The following CRACDL variants were observed in gnomAD, a reference collection of about 807,000 sequenced individuals.
The protein encoded by CRACDL is CRACD-like protein.
Under a neutral mutation model 70.6 loss-of-function variants are expected in CRACDL, and 26 were observed. The ratio of observed to expected loss-of-function variants is 0.37; its 90% CI spans 0.27 to 0.51. The LOEUF (loss-of-function observed/expected upper bound fraction) is 0.51. Among genes scored for constraint, CRACDL ranks in the 20% least tolerant of loss-of-function variants. The pLI is 0.94. For synonymous variants in CRACDL, 618 were observed against 615.2 expected (o/e 1.00, Z -0.07); for missense variants, 1,283 against 1,376.9 (o/e 0.93, Z 1.08).
intron 1 of CRACDL, among the ~76,000 whole-genome samples, chr2:98,927,283 C>T (rs564621400): frequency 2.0e-5 from 3 of 152,320 alleles, no homozygotes; most frequent in Admixed American, 2.0e-4. Context: ...ACTCCCTGGC[C>T]ACGCTGGAGG....
chr2:98,822,612 C>G lies in CRACDL; in HGVS notation c.1661G>C (p.Arg554Thr). ...RAEAPPAGAE[R>T]AAPERKAERG... ...CTCCGCCTTCCGCTCTGGCGCCGCCCTCTCGGCGCCCGCCGGTGGCGCCTC... is the reference window on the plus strand; with the variant it reads ...CTCCGCCTTCCGCTCTGGCGCCGCCGTCTCGGCGCCCGCCGGTGGCGCCTC... The change falls in exon 7 of 10, where the codon AGG (arginine) becomes ACG (threonine). Residue 554 changes from arginine (R) to threonine (T), a missense_variant. Coordinates refer to ENST00000397899, the MANE Select transcript of CRACDL (RefSeq NM_207362.3). This position sits in a 1 kb window ranked among gnomAD's most constrained non-coding sequence, Gnocchi z 4.9. The G allele has an allele frequency of 5.1e-6, 7 of 1,378,988 alleles. No homozygotes were observed. Among genetic ancestry groups the G allele is most frequent in the Non-Finnish European group, 6.5e-6 (7 of 1,075,264 alleles). 85.4% of individuals were successfully genotyped at this position (1,378,988 alleles called of 1,614,324 possible). A position where few individuals can be genotyped will look rare whatever the true frequency, so the allele number is the denominator to read the frequency against.
At chr2:98,912,181 G>A (rs1479202561) in intron 1 of CRACDL, among the ~76,000 whole-genome samples, 3 of 152,214 alleles carry the variant, frequency 2.0e-5, no homozygotes, top group African/African-American at 7.2e-5. Flanking sequence ...AGGCGCAAGG[G>A]CAAATAAAAC....
At chr2:98,889,267 AAG>A (rs1266154176) in intron 1 of CRACDL, among the ~76,000 whole-genome samples, 8 of 149,426 alleles carry the variant, frequency 5.4e-5, no homozygotes, top group Admixed American at 4.0e-4. Context: ...AAAAGAAAGA[AAG>A]AAACAGAAAA....
rs1191415841 is a variant in CRACDL at position 98,822,973 on chromosome 2, T to C, written c.1300A>G (p.Ser434Gly). Residue 434 changes from serine to glycine, a missense_variant, in exon 7 of 10, where the codon AGT (serine) becomes GGT (glycine). By Grantham distance (56) the Ser-to-Gly change is moderately conservative. Transcript: ENST00000397899. The surrounding 1 kb of genome is among the most constrained non-coding windows in gnomAD (Gnocchi z 4.9). ...APSARDGPER[S>G]VPKEAEPTPP... ...GTCGGCTCCGCTTCCTTCGGGACAC[T>C]GCGTTCTGGCCCGTCGCGAGCAGAG... The C allele has an allele frequency of 6.7e-7, 1 of 1,482,980 alleles. No homozygotes were observed. Among genetic ancestry groups the C allele is most frequent in the Admixed American group, 2.4e-5 (1 of 42,262 alleles). The allele number at this position is 1,482,980 out of a possible 1,614,324, so 91.9% of individuals were successfully genotyped here. A position where few individuals can be genotyped will look rare whatever the true frequency, so the allele number is the denominator to read the frequency against.
intron 1 of CRACDL, among the ~76,000 whole-genome samples, chr2:98,875,804 C>G (rs1254268521): frequency 1.3e-5 from 2 of 152,240 alleles, no homozygotes; most frequent in Non-Finnish European, 2.9e-5. Context: ...CAAAAATAAA[C>G]ATGATAGGAA....
chr2:98,881,412 C>T (rs762134419), intron 1 of CRACDL, among the ~76,000 whole-genome samples: 18 of 152,222 alleles, frequency 1.2e-4, no homozygotes, highest in Admixed American at 1.0e-3. Context: ...AGAAGCACTG[C>T]CTTACAGCTC....
rs181340838 is a variant in CRACDL at position 98,884,043 on chromosome 2, G to T, written c.-10-37233C>A. Among the ~76,000 whole-genome samples, 509 of 152,292 alleles carry T rather than the reference G, an allele frequency of 3.3e-3. 1 individual carries two copies. The highest frequency in any genetic ancestry group is 0.012 in the African/African-American group (482 of 41,572). On this transcript the variant is annotated intron_variant, in intron 1 of 9. Coordinates refer to ENST00000397899, the MANE Select transcript of CRACDL (RefSeq NM_207362.3). ...CGGTGGCTGGGAAGCGGCGTGTGTTGGGGGGATGGGGCAGGAGCGGGGCAG... is the reference window on the plus strand; with the variant it reads ...CGGTGGCTGGGAAGCGGCGTGTGTTTGGGGGATGGGGCAGGAGCGGGGCAG...
intron 7 of CRACDL, among the ~76,000 whole-genome samples, chr2:98,815,853 A>G (rs2104447977): frequency 6.6e-6 from 1 of 152,358 alleles, no homozygotes; most frequent in East Asian, 1.9e-4. Flanking sequence ...CACAAGGGAC[A>G]TTACTGCCAC....
In CRACDL at chr2:98,822,557, C is replaced by G; in HGVS notation, c.1716G>C (p.Lys572Asn). ...CTCGGCACGAGGACACCGAGAACTT[C>G]TTCGCGCCTCGCAGCTCGGCACCGC... ...ERGGAELRGA[K>N]KFSVSSCRAR... The change falls in exon 7 of 10, where the codon AAG becomes AAC. Residue 572 changes from lysine to asparagine, a missense_variant. By Grantham distance (94) the Lys-to-Asn change is moderately conservative. Transcript: ENST00000397899. This position sits in a 1 kb window ranked among gnomAD's most constrained non-coding sequence, Gnocchi z 4.9. 3 of 1,466,486 alleles carry G rather than the reference C, an allele frequency of 2.0e-6. No homozygotes were observed. The highest frequency in any genetic ancestry group is 9.0e-7 in the Non-Finnish European group (1 of 1,116,942). 90.8% of individuals were successfully genotyped at this position (1,466,486 alleles called of 1,614,324 possible).
intron 2 of CRACDL, among the ~76,000 whole-genome samples, chr2:98,844,150 T>G (rs972234771): frequency 4.6e-5 from 7 of 152,202 alleles, no homozygotes; most frequent in African/African-American, 1.7e-4. Context: ...CACTGCAATC[T>G]CGGTATATTT....
intron 6 of CRACDL, 67 bp downstream of exon 6, chr2:98,826,908 G>A (rs182007497): frequency 3.3e-5 from 42 of 1,265,158 alleles, no homozygotes; most frequent in Non-Finnish European, 4.4e-5. Flanking sequence ...AGGCAGGTTG[G>A]GGGGGGGCAT....
intron 1 of CRACDL, among the ~76,000 whole-genome samples, chr2:98,863,388 A>G (rs1707011832): frequency 6.6e-6 from 1 of 152,232 alleles, no homozygotes; most frequent in South Asian, 2.1e-4. Flanking sequence ...CTGTTCTGCA[A>G]GAAATGCTAA....
At chr2:98,843,155 G>GAGCAT (rs1468491658) in intron 2 of CRACDL, among the ~76,000 whole-genome samples, 1 of 152,030 alleles carries the variant, frequency 6.6e-6, no homozygotes, top group Non-Finnish European at 1.5e-5. Flanking sequence ...TATAGATATT[G>GAGCAT]AGCATTTCTT....
chr2:98,880,365 G>A (rs1707611022), intron 1 of CRACDL, among the ~76,000 whole-genome samples: 1 of 152,232 alleles, frequency 6.6e-6, no homozygotes. Flanking sequence ...CCCTGTGCTA[G>A]GCGCTGTTCT....
intron 1 of CRACDL, among the ~76,000 whole-genome samples, chr2:98,899,461 G>A (rs1708209336): frequency 6.6e-6 from 1 of 152,242 alleles, no homozygotes. Context: ...CAAGTGGACA[G>A]CCCAGACGCT....
chr2:98,914,726 C>G (rs1708627854), intron 1 of CRACDL, among the ~76,000 whole-genome samples: 1 of 152,206 alleles, frequency 6.6e-6, no homozygotes, highest in Non-Finnish European at 1.5e-5. Flanking sequence ...ACCCCTCCAT[C>G]AGTGTCTCTG....
intron 1 of CRACDL, among the ~76,000 whole-genome samples, chr2:98,894,722 A>C (rs1708072654): frequency 6.6e-6 from 1 of 152,120 alleles, no homozygotes; most frequent in Non-Finnish European, 1.5e-5. Context: ...TAACACACTT[A>C]TTTTCAAGTA....
At chr2:98,798,095 A>T (rs759158500) in intron 7 of CRACDL, among the ~76,000 whole-genome samples, 9 of 152,076 alleles carry the variant, frequency 5.9e-5, no homozygotes, top group Non-Finnish European at 1.2e-4. Context: ...TGTAATCCCA[A>T]CTCTCTGGAA....
chr2:98,869,428 G>C (rs1707265610), intron 1 of CRACDL: 1 of 440,304 alleles, frequency 2.3e-6, no homozygotes, highest in East Asian at 8.3e-5. Flanking sequence ...CCGGGATGGG[G>C]GTGGCCTGGC....
Sources: gnomAD v4.1 joint callset for allele counts (sites outside exome capture counted in the v4.1 genomes callset) on GRCh38, gnomAD v4.1.1 for gene constraint, Gnocchi (gnomAD v3.1) non-coding constraint, MANE v1.5 for transcripts, NCBI Gene and HGNC (gene_info 2026-07-23, HGNC 2026-07-21) for gene names.